The following TMEM163 variants were observed in gnomAD, a reference collection of about 807,000 sequenced individuals.
TMEM163 encodes the protein transmembrane protein 163.
In TMEM163, 17 loss-of-function variants were observed where a neutral mutation model predicts 29.3. That is an observed-to-expected ratio of 0.58 (90% CI 0.40 to 0.87). The LOEUF is 0.87. Ranked by LOEUF, TMEM163 falls within the 40% of genes least tolerant of loss-of-function variation. The pLI, the probability that TMEM163 is intolerant of heterozygous loss-of-function variation, is 0.00. For missense variants in TMEM163, 303 were observed against 381.5 expected, an observed-to-expected ratio of 0.79 and a Z score of 1.71; for synonymous variants, 157 against 160.6, an observed-to-expected ratio of 0.98 and a Z score of 0.17.
intron 2 of TMEM163, among the ~76,000 whole-genome samples, chr2:134,610,782 T>C (rs747181283): frequency 1.3e-5 from 2 of 152,192 alleles, no homozygotes; most frequent in African/African-American, 2.4e-5. Flanking sequence ...GCTCCCCTGA[T>C]GAATCTTTCT....
intron 2 of TMEM163, among the ~76,000 whole-genome samples, chr2:134,610,309 A>G (rs1682474509): frequency 6.6e-6 from 1 of 152,186 alleles, no homozygotes; most frequent in African/African-American, 2.4e-5. Flanking sequence ...GTGCCCTGGA[A>G]AGCTGAAGTC....
chr2:134,583,351 T>C (rs1188570772), intron 2 of TMEM163, among the ~76,000 whole-genome samples: 3 of 152,244 alleles, frequency 2.0e-5, no homozygotes, highest in Non-Finnish European at 4.4e-5. Flanking sequence ...GCATGTAAGT[T>C]TCTAATAAAT....
At chr2:134,458,285 C>A (rs1686447863) in intron 6 of TMEM163, 112 bp from the exon 7 acceptor site, 2 of 1,340,426 alleles carry the variant, frequency 1.5e-6, no homozygotes, top group Admixed American at 2.0e-5. Flanking sequence ...AGGAATGATG[C>A]CCAAAGCTCT....
At chr2:134,618,080 G>A (rs929347616) in intron 2 of TMEM163, among the ~76,000 whole-genome samples, 8 of 151,854 alleles carry the variant, frequency 5.3e-5, no homozygotes, top group Admixed American at 5.2e-4. Flanking sequence ...CATCACTACA[G>A]TCCAGCCTGG....
rs968405580 is a variant in TMEM163, at chr2:134,655,841, C to A, written c.322+57359G>T. Among the ~76,000 whole-genome samples, 90 of 141,504 alleles carry A rather than the reference C, an allele frequency of 6.4e-4. 13 individuals are homozygous for A. Among genetic ancestry groups the A allele is most frequent in the African/African-American group, 2.6e-3 (89 of 34,036 alleles). 92.8% of individuals were successfully genotyped at this position (141,504 alleles called of 152,430 possible). On this transcript the variant is annotated intron_variant, in intron 2 of 7. Transcript: ENST00000281924. ...GTCAGTCTGCCCCTGCTGGGGGGTG[C>A]CTCCCAGTTAGGCTGCTCGGGGGTC...
intron 2 of TMEM163, among the ~76,000 whole-genome samples, chr2:134,596,808 C>T (rs1018350965): frequency 6.6e-6 from 1 of 152,250 alleles, no homozygotes; most frequent in Admixed American, 6.5e-5. Context: ...GTTTGTAGTT[C>T]TCCTTGAAGA....
chr2:134,661,710 A>G (rs1683754714), intron 2 of TMEM163, among the ~76,000 whole-genome samples: 2 of 152,084 alleles, frequency 1.3e-5, no homozygotes, highest in Admixed American at 1.3e-4. Flanking sequence ...TTTTTCTTCC[A>G]TTTACACATT....
chr2:134,558,767 T>C (rs1227509615), intron 2 of TMEM163, among the ~76,000 whole-genome samples: 1 of 152,218 alleles, frequency 6.6e-6, no homozygotes, highest in East Asian at 1.9e-4. Flanking sequence ...CCATCTGTCA[T>C]TCTCTCCAAA....
chr2:134,593,546 G>T (rs1344187517), intron 2 of TMEM163, among the ~76,000 whole-genome samples: 2 of 152,188 alleles, frequency 1.3e-5, no homozygotes, highest in Non-Finnish European at 2.9e-5. Flanking sequence ...GCCGAAGAAG[G>T]TGCCCTGATG....
rs1574231150 is a variant in TMEM163 at position 134,551,977 on chromosome 2, C to T, written c.366+71G>A. 10 of 1,287,144 alleles carry T rather than the reference C, an allele frequency of 7.8e-6. No homozygotes were observed. The East Asian group carries it at 2.3e-4, about 30-fold the overall frequency. 79.7% of individuals were successfully genotyped at this position (1,287,144 alleles called of 1,614,324 possible). A position where few individuals can be genotyped will look rare whatever the true frequency, so the allele number is the denominator to read the frequency against. On this transcript the variant is annotated intron_variant, in intron 3 of 7. Coordinates refer to ENST00000281924, the MANE Select transcript of TMEM163 (RefSeq NM_030923.5). ...TACACTAACCACCCTCATTTGAGGG[C>T]TCAGGGTGAGGTTTATGGGCTTATG...
At chr2:134,518,121 C>A (rs1209967598) in intron 4 of TMEM163, among the ~76,000 whole-genome samples, 1 of 152,196 alleles carries the variant, frequency 6.6e-6, no homozygotes, top group African/African-American at 2.4e-5. Context: ...TCATCCATTG[C>A]ATTGGGAAGC....
chr2:134,471,246 G>C (rs1161389830), intron 5 of TMEM163, among the ~76,000 whole-genome samples: 1 of 152,220 alleles, frequency 6.6e-6, no homozygotes, highest in Middle Eastern at 3.2e-3. Context: ...TTCATATGTT[G>C]AAGCCCTAAC....
chr2:134,691,582 G>A (rs890646816), intron 2 of TMEM163, among the ~76,000 whole-genome samples: 3 of 152,118 alleles, frequency 2.0e-5, no homozygotes, highest in Non-Finnish European at 2.9e-5. Context: ...GCACACATGC[G>A]CACGTACACC....
At chr2:134,535,085 C>T (rs1170941039) in intron 4 of TMEM163, among the ~76,000 whole-genome samples, 1 of 152,196 alleles carries the variant, frequency 6.6e-6, no homozygotes, top group African/African-American at 2.4e-5. Flanking sequence ...TAACACATGT[C>T]CTCATATTCT....
rs75982158 is a variant in TMEM163, at chr2:134,606,779, A to G, written c.323-54688T>C. Among the ~76,000 whole-genome samples, 94 of 152,344 alleles carry G rather than the reference A, an allele frequency of 6.2e-4. 2 individuals are homozygous for G. In the East Asian group the frequency reaches 0.013, roughly 21 times the overall value. On this transcript the variant is annotated intron_variant, in intron 2 of 7. Transcript: ENST00000281924. ...GTGGCCACAGCACTGAATGTCACAA[A>G]GAATTCAGGGAAGATGAGGATTGAT...
At chr2:134,621,007 G>T (rs1682719049) in intron 2 of TMEM163, among the ~76,000 whole-genome samples, 1 of 151,980 alleles carries the variant, frequency 6.6e-6, no homozygotes, top group Non-Finnish European at 1.5e-5. Flanking sequence ...AATTTTCTGT[G>T]CTTCAAAAAA....
intron 2 of TMEM163, among the ~76,000 whole-genome samples, chr2:134,692,440 C>T (rs1684490125): frequency 6.6e-6 from 1 of 152,176 alleles, no homozygotes; most frequent in Non-Finnish European, 1.5e-5. Flanking sequence ...CAAATTCTGT[C>T]CTTTGCCGTT....
rs967375965 is a variant in TMEM163 at position 134,589,512 on chromosome 2, T to C, written c.323-37421A>G. Among the ~76,000 whole-genome samples the C allele has an allele frequency of 3.9e-5, 6 of 152,300 alleles. No homozygotes were observed. The South Asian group carries it at 6.2e-4, about 16-fold the overall frequency. On this transcript the variant is annotated intron_variant, in intron 2 of 7. Coordinates refer to ENST00000281924, the MANE Select transcript of TMEM163 (RefSeq NM_030923.5). ...ATACACTAATTATAATGTTTTAGTA[T>C]GCTAAAAGACACTCCCACCAGCACC...
At chr2:134,603,439 A>G (rs1219049585) in intron 2 of TMEM163, among the ~76,000 whole-genome samples, 3 of 152,232 alleles carry the variant, frequency 2.0e-5, no homozygotes, top group Non-Finnish European at 4.4e-5. Flanking sequence ...CTGATGCCCT[A>G]GTAAAGAAGC....
Sources: allele counts gnomAD v4.1 joint callset (sites outside exome capture counted in the v4.1 genomes callset), GRCh38; gene constraint gnomAD v4.1.1; transcripts MANE v1.5; gene names NCBI Gene and HGNC (gene_info 2026-07-23, HGNC 2026-07-21).